GALNT17: variants seen among roughly 807,000 people sequenced by gnomAD.
The protein encoded by GALNT17 is polypeptide N-acetylgalactosaminyltransferase 17, also known as UDP-GalNAc:polypeptide N-acetylgalactosaminyltransferase-like 3.
GALNT17 carries 29 observed loss-of-function variants against 63.7 expected under a neutral mutation model. That is an observed-to-expected ratio of 0.46 (90% CI 0.34 to 0.62). GALNT17 has a LOEUF of 0.62. Among genes scored for constraint, GALNT17 ranks in the 20% least tolerant of loss-of-function variants. The pLI is 0.01. For synonymous variants in GALNT17, 305 were observed against 318.3 expected, an observed-to-expected ratio of 0.96 and a Z score of 0.45; for missense variants, 603 against 799.6, an observed-to-expected ratio of 0.75 and a Z score of 2.97.
intron 1 of GALNT17, among the ~76,000 whole-genome samples, chr7:71,275,602 G>A (rs17143054): frequency 0.06 from 9,078 of 152,222 alleles, 923 homozygotes; most frequent in African/African-American, 0.21. Flanking sequence ...CCTGTCACAT[G>A]TAAAGGCTCT....
At chr7:71,178,066 A>G (rs558157423) in intron 1 of GALNT17, among the ~76,000 whole-genome samples, 146 of 152,276 alleles carry the variant, frequency 9.6e-4, no homozygotes, top group African/African-American at 3.4e-3. Context: ...TTCTGGCTGA[A>G]GAAATTCCTT....
chr7:71,247,924 G>A (rs371346165), intron 1 of GALNT17, among the ~76,000 whole-genome samples: 18 of 152,304 alleles, frequency 1.2e-4, no homozygotes, highest in South Asian at 1.0e-3. Flanking sequence ...TTTACTGTTC[G>A]TTAAGTGGAA....
At chr7:71,366,996 C>T (rs990004628) in intron 2 of GALNT17, among the ~76,000 whole-genome samples, 7 of 152,182 alleles carry the variant, frequency 4.6e-5, no homozygotes, top group Admixed American at 2.6e-4. Context: ...ATCACTCACT[C>T]GGACCGAGAC....
intron 1 of GALNT17, among the ~76,000 whole-genome samples, chr7:71,182,192 AAGAG>A (rs905171270): frequency 5.9e-5 from 9 of 152,090 alleles, no homozygotes; most frequent in Non-Finnish European, 7.4e-5. Context: ...ATAAATAAAT[AAGAG>A]AGAGAATCAC....
At chr7:71,411,383 G>T (rs1017478061) in intron 3 of GALNT17, among the ~76,000 whole-genome samples, 1 of 152,044 alleles carries the variant, frequency 6.6e-6, no homozygotes, top group African/African-American at 2.4e-5. Context: ...GCCTCCCAAA[G>T]GGCTGGGATT....
intron 1 of GALNT17, among the ~76,000 whole-genome samples, chr7:71,254,079 A>G (rs1191970958): frequency 6.6e-6 from 1 of 152,216 alleles, no homozygotes; most frequent in Non-Finnish European, 1.5e-5. Context: ...GAAGGTGTGC[A>G]TTGGCACTGT....
intron 3 of GALNT17, among the ~76,000 whole-genome samples, chr7:71,391,607 T>C (rs1019380850): frequency 5.3e-5 from 8 of 152,028 alleles, no homozygotes; most frequent in Non-Finnish European, 1.2e-4. Context: ...CTCAGCCCCC[T>C]GAGAGGCTGG....
intron 5 of GALNT17, among the ~76,000 whole-genome samples, chr7:71,501,699 A>G (rs1347967094): frequency 6.6e-6 from 1 of 152,150 alleles, no homozygotes; most frequent in Admixed American, 6.5e-5. Flanking sequence ...CAACACCCCA[A>G]GCAGCCCTGC....
At chr7:71,145,925 C>CA (rs1256256449) in intron 1 of GALNT17, among the ~76,000 whole-genome samples, 2 of 152,130 alleles carry the variant, frequency 1.3e-5, no homozygotes, top group Non-Finnish European at 2.9e-5. Context: ...AGGGTGGTCT[C>CA]AAACTCCTGA....
intron 3 of GALNT17, among the ~76,000 whole-genome samples, chr7:71,388,786 C>T (rs1412627917): frequency 6.6e-6 from 1 of 152,096 alleles, no homozygotes; most frequent in Non-Finnish European, 1.5e-5. Context: ...CTCAGCTTCC[C>T]AAAGTGCTGG....
chr7:71,521,999 A>G (rs902024361), intron 5 of GALNT17, among the ~76,000 whole-genome samples: 1 of 152,170 alleles, frequency 6.6e-6, no homozygotes, highest in South Asian at 2.1e-4. Flanking sequence ...AAAAATATCA[A>G]AGTACAGTGA....
At chr7:71,703,256 A>G (rs895059929) in intron 9 of GALNT17, among the ~76,000 whole-genome samples, 1 of 152,226 alleles carries the variant, frequency 6.6e-6, no homozygotes, top group African/African-American at 2.4e-5. Context: ...TGGGTAATTT[A>G]TAAAGAAAAG....
chr7:71,704,157 G>A (rs1791691532), intron 9 of GALNT17, among the ~76,000 whole-genome samples: 1 of 152,208 alleles, frequency 6.6e-6, no homozygotes, highest in African/African-American at 2.4e-5. Context: ...GTAGTTCAGA[G>A]TGACCATGAG....
chr7:71,333,505 G>A (rs1791842670), intron 1 of GALNT17, among the ~76,000 whole-genome samples: 1 of 152,126 alleles, frequency 6.6e-6, no homozygotes, highest in Non-Finnish European at 1.5e-5. Context: ...TTTCTTAGGA[G>A]TGGAATTGCT....
At chr7:71,509,092 G>C (rs1668619169) in intron 5 of GALNT17, among the ~76,000 whole-genome samples, 1 of 152,168 alleles carries the variant, frequency 6.6e-6, no homozygotes, top group Non-Finnish European at 1.5e-5. Context: ...GCAAGGGTGT[G>C]AAAGCAATAC....
intron 1 of GALNT17, among the ~76,000 whole-genome samples, chr7:71,175,793 C>G (rs10252082): frequency 0.028 from 4,318 of 152,190 alleles, 212 homozygotes; most frequent in African/African-American, 0.097. Context: ...CCCAGCTACT[C>G]AGAAGGCTAA....
At chr7:71,486,873 A>C (rs1004229255) in intron 5 of GALNT17, among the ~76,000 whole-genome samples, 8 of 151,576 alleles carry the variant, frequency 5.3e-5, no homozygotes, top group East Asian at 1.9e-4. Context: ...AAAAAAAAAA[A>C]CAAAAAAAAA....
At chr7:71,538,089 A>G (rs1450696880) in intron 5 of GALNT17, among the ~76,000 whole-genome samples, 1 of 152,206 alleles carries the variant, frequency 6.6e-6, no homozygotes, top group Non-Finnish European at 1.5e-5. Context: ...CTAAGTGGTA[A>G]AGGCAGCCCT....
intron 1 of GALNT17, among the ~76,000 whole-genome samples, chr7:71,186,302 G>C (rs1326676947): frequency 6.6e-6 from 1 of 152,122 alleles, no homozygotes; most frequent in Non-Finnish European, 1.5e-5. Flanking sequence ...TTATCTACTT[G>C]GTTCAGAAGC....
Sources: gnomAD v4.1 joint callset for allele counts (sites outside exome capture counted in the v4.1 genomes callset) on GRCh38, gnomAD v4.1.1 for gene constraint, MANE v1.5 for transcripts, NCBI Gene and HGNC (gene_info 2026-07-23, HGNC 2026-07-21) for gene names.